The following GOLGA4 variants were observed in gnomAD, a reference collection of about 807,000 sequenced individuals.
GOLGA4 encodes golgin subfamily A member 4.
A neutral mutation model predicts 265.9 loss-of-function variants in GOLGA4; 169 were observed. The observed-to-expected ratio is 0.64, with a 90% confidence interval of 0.56 to 0.72. The LOEUF (loss-of-function observed/expected upper bound fraction) is 0.72, where lower values mean the gene tolerates loss of function less well. GOLGA4 is among the 30% of genes least tolerant of loss of function. The pLI is 0.00. For missense variants in GOLGA4, 2,482 were observed against 2,483.4 expected (o/e 1.00, Z 0.01); for synonymous variants, 923 against 855.8 (o/e 1.08, Z -1.37).
In GOLGA4 at chr3:37,268,817, G is replaced by T. The variant is rs894654465; in HGVS notation, c.163-13141G>T. On this transcript the variant is annotated intron_variant, in intron 2 of 23. Transcript: ENST00000361924. ...GAACTCAGGCTCAAGTGATCCACCT[G>T]CCTCGGCCTCCTGAAGTGCTGGAAT... 2.0e-5 allele frequency among the ~76,000 whole-genome samples: 3 copies of T among 152,170 alleles called. No homozygotes were observed. In the East Asian group the frequency reaches 5.8e-4, roughly 29 times the overall value.
chr3:37,279,131 A>G (rs909770195), intron 2 of GOLGA4, among the ~76,000 whole-genome samples: 3 of 152,222 alleles, frequency 2.0e-5, no homozygotes, highest in Non-Finnish European at 2.9e-5. Context: ...GGTTGAAGAC[A>G]TGGTAAAAAG....
intron 20 of GOLGA4, among the ~76,000 whole-genome samples, chr3:37,344,307 G>A (rs1257854023): frequency 6.6e-6 from 1 of 152,160 alleles, no homozygotes; most frequent in Non-Finnish European, 1.5e-5. Context: ...TCGCCATGTT[G>A]GCCAGGCTGG....
chr3:37,307,631 CAAAA>C lies in GOLGA4; in HGVS notation c.1234+5308_1234+5311del, dbSNP rs57627239. Among the ~76,000 whole-genome samples the C allele has an allele frequency of 2.3e-5, 3 of 130,298 alleles. No individual in the cohort carries two copies. In the East Asian group the frequency reaches 6.5e-4, roughly 28 times the overall value. The allele number at this position is 130,298 out of a possible 152,430, so 85.5% of individuals were successfully genotyped here. On this transcript the variant is annotated intron_variant, in intron 10 of 23. Coordinates refer to ENST00000361924, the MANE Select transcript of GOLGA4 (RefSeq NM_002078.5). Reference sequence around the variant, plus strand: ...CAAAGAAAATTCCATGTTTCTCAGGCAAAAAAAAAAAAGTATGAATGAAAGTAGA... The same window carrying C: ...CAAAGAAAATTCCATGTTTCTCAGGCAAAAAAAAGTATGAATGAAAGTAGA...
intron 10 of GOLGA4, among the ~76,000 whole-genome samples, chr3:37,303,529 T>C (rs1010562377): frequency 1.3e-5 from 2 of 152,172 alleles, no homozygotes; most frequent in African/African-American, 4.8e-5. Context: ...AAGTTGAGAA[T>C]TGGAGTGAAA....
chr3:37,289,256 G>T lies in GOLGA4; in HGVS notation c.547G>T (p.Asp183Tyr). The T allele has an allele frequency of 1.3e-6, 2 of 1,596,386 alleles. No individual in the cohort carries two copies. Among genetic ancestry groups the T allele is most frequent in the Non-Finnish European group, 1.7e-6 (2 of 1,166,716 alleles). ...AAAGGGTATATTAAGTCAGAGTCAGGATAAATCACTTCGGAGAATAGCAGA... is the reference window on the plus strand; with the variant it reads ...AAAGGGTATATTAAGTCAGAGTCAGTATAAATCACTTCGGAGAATAGCAGA... ...KLQGILSQSQ[D>Y]KSLRRIAELR... Residue 183 changes from aspartate (D) to tyrosine (Y), a missense_variant, in exon 5 of 24, where the codon GAT (aspartate) becomes TAT (tyrosine). Coordinates refer to ENST00000361924, the MANE Select transcript of GOLGA4 (RefSeq NM_002078.5).
In GOLGA4 at chr3:37,337,651, T is replaced by G. The variant is rs2097018748; in HGVS notation, c.6328-15T>G. 6.3e-6 allele frequency: 10 copies of G among 1,585,300 alleles called. No individual in the cohort carries two copies. The highest frequency in any genetic ancestry group is 1.1e-5 in the South Asian group (1 of 90,500). On this transcript the variant is annotated splice_polypyrimidine_tract_variant and intron_variant, in intron 18 of 23. Coordinates refer to ENST00000361924, the MANE Select transcript of GOLGA4 (RefSeq NM_002078.5). Reference sequence around the variant, plus strand: ...AACCTATGTGCATTTCAGATCTGACTTTTTGTTCTTTCAGACACAGCTAGC... The same window carrying G: ...AACCTATGTGCATTTCAGATCTGACGTTTTGTTCTTTCAGACACAGCTAGC...
intron 2 of GOLGA4, among the ~76,000 whole-genome samples, chr3:37,278,901 C>T (rs1426907223): frequency 6.6e-6 from 1 of 150,896 alleles, no homozygotes; most frequent in Non-Finnish European, 1.5e-5. Context: ...CAGCCTCAAA[C>T]TCCTGGGCTC....
At chr3:37,362,226 T>A (rs1559479345) in intron 23 of GOLGA4, among the ~76,000 whole-genome samples, 2 of 116,292 alleles carry the variant, frequency 1.7e-5, no homozygotes, top group Non-Finnish European at 4.0e-5. Flanking sequence ...TATTTATTTA[T>A]TTATTTATTT....
At chr3:37,329,251 A>G (rs1489333253) in intron 16 of GOLGA4, 158 bp downstream of exon 16, 1 of 518,738 alleles carries the variant, frequency 1.9e-6, no homozygotes, top group Non-Finnish European at 3.2e-6. Flanking sequence ...ATGCAGATTT[A>G]TAAAGTTGAG....
At chr3:37,345,604 T>TA (rs2097053712) in intron 20 of GOLGA4, among the ~76,000 whole-genome samples, 1 of 152,182 alleles carries the variant, frequency 6.6e-6, no homozygotes, top group African/African-American at 2.4e-5. Flanking sequence ...ATAAGAGCTA[T>TA]AAAGTCTTCT....
chr3:37,322,021 T>C, intron 13 of GOLGA4, 135 bp downstream of exon 13: 1 of 691,048 alleles, frequency 1.4e-6, no homozygotes. Context: ...TTTTAGGTAG[T>C]GTGAGCTATG....
intron 16 of GOLGA4, among the ~76,000 whole-genome samples, chr3:37,331,123 G>T (rs1406524981): frequency 6.6e-6 from 1 of 151,332 alleles, no homozygotes; most frequent in Non-Finnish European, 1.5e-5. Flanking sequence ...AAGGAAACAG[G>T]TGAACTTAAT....
chr3:37,301,799 T>G (rs530281787), intron 9 of GOLGA4, among the ~76,000 whole-genome samples: 1 of 152,168 alleles, frequency 6.6e-6, no homozygotes, highest in South Asian at 2.1e-4. Flanking sequence ...AATTTTTAAT[T>G]TTTTTTTGAG....
chr3:37,347,561 A>T (rs748623811), intron 21 of GOLGA4, among the ~76,000 whole-genome samples: 73 of 152,172 alleles, frequency 4.8e-4, no homozygotes, highest in Non-Finnish European at 8.5e-4. Context: ...TTAACATAAG[A>T]ATAATTTGTG....
At chr3:37,294,842 T>C (rs1337313891) in intron 5 of GOLGA4, 137 bp from the exon 6 acceptor site, 2 of 571,336 alleles carry the variant, frequency 3.5e-6, no homozygotes, top group Non-Finnish European at 6.3e-6. Flanking sequence ...ATGTTTTACA[T>C]ACTAATTATT....
chr3:37,318,788 A>G (rs985826960), intron 11 of GOLGA4, among the ~76,000 whole-genome samples: 4 of 151,982 alleles, frequency 2.6e-5, no homozygotes, highest in Admixed American at 2.0e-4. Context: ...CCCTATCCTG[A>G]CTTGTAGGGA....
chr3:37,246,370 A>G (rs539695237), intron 1 of GOLGA4, among the ~76,000 whole-genome samples: 1 of 152,370 alleles, frequency 6.6e-6, no homozygotes, highest in South Asian at 2.1e-4. Flanking sequence ...AACTCCTTAA[A>G]GAACTAAGTC....
chr3:37,333,380 CT>C (rs920498497), intron 16 of GOLGA4, among the ~76,000 whole-genome samples: 22 of 151,462 alleles, frequency 1.5e-4, no homozygotes, highest in African/African-American at 4.1e-4. Context: ...CAACAATATA[CT>C]TTTTTTTTAA....
rs146117611 is a variant in GOLGA4 at position 37,248,806 on chromosome 3, A to G, written c.73-2589A>G. Among the ~76,000 whole-genome samples the G allele has an allele frequency of 2.6e-3, 396 of 152,298 alleles. 5 individuals carry two copies. Among genetic ancestry groups the G allele is most frequent in the East Asian group, 8.9e-3 (46 of 5,190 alleles). On this transcript the variant is annotated intron_variant, in intron 1 of 23. Coordinates refer to ENST00000361924, the MANE Select transcript of GOLGA4 (RefSeq NM_002078.5). ...ATATGAGGCCAAGGTGTAAGACGTA[A>G]TGCCAATTTTTCAGATTTGCAGTGA...
Sources: gnomAD v4.1 joint callset for allele counts (sites outside exome capture counted in the v4.1 genomes callset) on GRCh38, gnomAD v4.1.1 for gene constraint, MANE v1.5 for transcripts, NCBI Gene and HGNC (gene_info 2026-07-23, HGNC 2026-07-21) for gene names.